Variants in ANKRD30BL observed in about 807,000 individuals in gnomAD.
ANKRD30BL encodes the protein putative ankyrin repeat domain-containing protein 30B-like.
ANKRD30BL carries 20 observed loss-of-function variants against 18.4 expected under a neutral mutation model. That is an observed-to-expected ratio of 1.09 (90% CI 0.77 to 1.58). The LOEUF (loss-of-function observed/expected upper bound fraction) is 1.58, where lower values mean the gene tolerates loss of function less well. ANKRD30BL is among the 40% of genes most tolerant of loss of function. ANKRD30BL has a pLI of 0.00. For synonymous variants in ANKRD30BL, 72 were observed against 100.9 expected (o/e 0.71, Z 1.72); for missense variants, 224 against 268.6 (o/e 0.83, Z 1.16).
At chr2:132,219,060 G>T (rs1223019177) in intron 1 of ANKRD30BL, among the ~76,000 whole-genome samples, 3 of 151,890 alleles carry the variant, frequency 2.0e-5, no homozygotes, top group Non-Finnish European at 2.9e-5. Flanking sequence ...TCTTTTGATA[G>T]AGTAGGTTGA....
At chr2:132,195,788 C>CAAAAAAAAAAAA (rs1205804103) in intron 1 of ANKRD30BL, among the ~76,000 whole-genome samples, 1 of 48,660 alleles carries the variant, frequency 2.1e-5, no homozygotes, top group African/African-American at 5.3e-5. Context: ...GAGCCTCTGC[C>CAAAAAAAAAAAA]AAAAAAAAAA....
intron 1 of ANKRD30BL, among the ~76,000 whole-genome samples, chr2:132,252,615 G>T (rs1680685687): frequency 6.6e-6 from 1 of 152,130 alleles, no homozygotes. Context: ...CTGGAGCTGT[G>T]GTCAGCCAGT....
At chr2:132,213,144 A>AT (rs1006195723) in intron 1 of ANKRD30BL, among the ~76,000 whole-genome samples, 6 of 151,398 alleles carry the variant, frequency 4.0e-5, no homozygotes, top group African/African-American at 1.5e-4. Flanking sequence ...TGGAAAAAAA[A>AT]ATCTTCTCAT....
chr2:132,233,501 C>T (rs1468283261), intron 1 of ANKRD30BL, among the ~76,000 whole-genome samples: 47 of 139,680 alleles, frequency 3.4e-4, no homozygotes, highest in Non-Finnish European at 5.5e-4. Flanking sequence ...ATCTACCAAG[C>T]AAATGGAAAA....
At chr2:132,229,913 C>T (rs1679960945) in intron 1 of ANKRD30BL, among the ~76,000 whole-genome samples, 1 of 151,976 alleles carries the variant, frequency 6.6e-6, no homozygotes, top group African/African-American at 2.4e-5. Context: ...GCAGTATCTG[C>T]AAGTGGATAT....
intron 1 of ANKRD30BL, among the ~76,000 whole-genome samples, chr2:132,180,991 C>T (rs1032737829): frequency 2.0e-5 from 3 of 151,540 alleles, no homozygotes; most frequent in African/African-American, 7.3e-5. Flanking sequence ...ACTAAACATA[C>T]AAAAAATTAG....
chr2:132,149,520 C>A (rs1469479661), intron 5 of ANKRD30BL, among the ~76,000 whole-genome samples: 1 of 152,180 alleles, frequency 6.6e-6, no homozygotes, highest in African/African-American at 2.4e-5. Flanking sequence ...CAGTAGGTAT[C>A]TTTGAAAAAT....
At chr2:132,195,417 C>T (rs543731196) in intron 1 of ANKRD30BL, among the ~76,000 whole-genome samples, 3 of 151,690 alleles carry the variant, frequency 2.0e-5, no homozygotes, top group East Asian at 3.9e-4. Flanking sequence ...TTCACCACAG[C>T]AAATATGAGA....
upstream of ANKRD30BL, among the ~76,000 whole-genome samples, chr2:132,162,216 C>T (rs1431988154): frequency 5.3e-5 from 8 of 152,118 alleles, no homozygotes; most frequent in African/African-American, 1.9e-4. Flanking sequence ...TGGCGCTGAG[C>T]GTCGGTTCCC....
intron 1 of ANKRD30BL, among the ~76,000 whole-genome samples, chr2:132,228,753 G>A (rs981966990): frequency 5.5e-5 from 8 of 144,324 alleles, no homozygotes; most frequent in African/African-American, 1.2e-4. Context: ...GTGGCCTATG[G>A]TAGAAAAGGA....
intron 1 of ANKRD30BL, among the ~76,000 whole-genome samples, chr2:132,189,366 T>A (rs1205251963): frequency 1.3e-5 from 2 of 152,222 alleles, no homozygotes; most frequent in Admixed American, 6.5e-5. Context: ...CTTTTGACTA[T>A]GACACAGAGA....
intron 1 of ANKRD30BL, among the ~76,000 whole-genome samples, chr2:132,200,332 T>G (rs1157680059): frequency 1.4e-4 from 21 of 151,790 alleles, no homozygotes; most frequent in African/African-American, 4.9e-4. Context: ...GGTATTCAAT[T>G]AGGAAAAGAG....
At chr2:132,155,324 T>G (rs1224188278) in intron 3 of ANKRD30BL, 5 of 152,200 alleles carry the variant, frequency 3.3e-5, no homozygotes, top group Non-Finnish European at 7.3e-5. Flanking sequence ...TGGCAAACAT[T>G]AACATTTGAC....
intron 1 of ANKRD30BL, among the ~76,000 whole-genome samples, chr2:132,172,069 C>T (rs1373166495): frequency 6.6e-6 from 1 of 152,178 alleles, no homozygotes; most frequent in Non-Finnish European, 1.5e-5. Context: ...CTTAATAAGG[C>T]TGAATAAGTT....
chr2:132,206,347 AAAT>A (rs766660268), intron 1 of ANKRD30BL, among the ~76,000 whole-genome samples: 72 of 152,040 alleles, frequency 4.7e-4, no homozygotes, highest in Middle Eastern at 3.4e-3. Flanking sequence ...ATGTTGATTA[AAAT>A]AATAATAATA....
intron 1 of ANKRD30BL, among the ~76,000 whole-genome samples, chr2:132,239,791 G>T (rs143669742): frequency 6.7e-6 from 1 of 148,150 alleles, no homozygotes; most frequent in Non-Finnish European, 1.5e-5. Flanking sequence ...TTGAGGCCTA[G>T]GGTGAAAAAG....
intron 1 of ANKRD30BL, among the ~76,000 whole-genome samples, chr2:132,176,035 T>C (rs1209799420): frequency 1.3e-5 from 2 of 152,186 alleles, no homozygotes; most frequent in African/African-American, 4.8e-5. Context: ...CTCTTCCTTT[T>C]CCCTACAAAA....
chr2:132,224,285 A>G lies in ANKRD30BL; in HGVS notation n.441+33244T>C, dbSNP rs558405505. Among the ~76,000 whole-genome samples, 258 of 152,022 alleles carry G rather than the reference A, an allele frequency of 1.7e-3. 1 individual carries two copies. The highest frequency in any genetic ancestry group is 5.9e-3 in the African/African-American group (245 of 41,502). On this transcript the variant is annotated intron_variant and non_coding_transcript_variant, in intron 1 of 4. Transcript: ENST00000470729. ...GGACATTTGGAGATCTTTGAGGCCT[A>G]TTGTGGAAAAGGAAATATCTTTATA...
chr2:132,211,998 C>A (rs1573847488), intron 1 of ANKRD30BL, among the ~76,000 whole-genome samples: 1 of 151,894 alleles, frequency 6.6e-6, no homozygotes, highest in East Asian at 1.9e-4. Flanking sequence ...TTAGATTGAG[C>A]AGTTTGGAAA....
Sources: gnomAD v4.1 joint callset for allele counts (sites outside exome capture counted in the v4.1 genomes callset) on GRCh38, gnomAD v4.1.1 for gene constraint, MANE v1.5 for transcripts, NCBI Gene and HGNC (gene_info 2026-07-23, HGNC 2026-07-21) for gene names.